The following PTPRK variants were observed in gnomAD, a reference collection of about 807,000 sequenced individuals.
PTPRK encodes protein tyrosine phosphatase receptor type K, also known as receptor-type tyrosine-protein phosphatase kappa.
PTPRK carries 75 observed loss-of-function variants against 178.0 expected under a neutral mutation model. The observed-to-expected ratio is 0.42, with a 90% CI of 0.35 to 0.51. PTPRK has a LOEUF of 0.51. Among genes scored for constraint, PTPRK ranks in the 20% least tolerant of loss-of-function variants. The pLI, the probability that PTPRK is intolerant of heterozygous loss-of-function variation, is 0.02. For synonymous variants in PTPRK, 637 were observed against 620.6 expected (o/e 1.03, Z -0.39); for missense variants, 1,441 against 1,797.8 (o/e 0.80, Z 3.59).
intron 13 of PTPRK, among the ~76,000 whole-genome samples, chr6:128,022,394 C>G (rs951953342): frequency 1.3e-5 from 2 of 152,142 alleles, no homozygotes; most frequent in Non-Finnish European, 2.9e-5. Flanking sequence ...CGTTTCTTCT[C>G]TTAAAATCTA....
chr6:128,112,923 C>G (rs942056686), intron 7 of PTPRK, among the ~76,000 whole-genome samples: 1 of 152,194 alleles, frequency 6.6e-6, no homozygotes, highest in East Asian at 1.9e-4. Context: ...ATCTCTTTTT[C>G]CAAAGGATTC....
intron 2 of PTPRK, among the ~76,000 whole-genome samples, chr6:128,386,518 C>T (rs940232416): frequency 6.6e-6 from 1 of 152,140 alleles, no homozygotes; most frequent in Non-Finnish European, 1.5e-5. Flanking sequence ...ATAAGAACTT[C>T]AAGTGAAATA....
chr6:128,358,243 G>T (rs1341241566), intron 2 of PTPRK, among the ~76,000 whole-genome samples: 1 of 152,220 alleles, frequency 6.6e-6, no homozygotes, highest in Non-Finnish European at 1.5e-5. Context: ...CCTTGGCCCT[G>T]AAGGAGAGGG....
chr6:128,009,196 CCTG>C lies in PTPRK; in HGVS notation c.2264_2266del (p.Ala755del). ...GAACACCAAAATTCCAGCACTAATT[CCTG>C]CTATTTTCACCACTCTGTCTGTCTG... On this transcript the variant is annotated inframe_deletion, in exon 14 of 30. Coordinates refer to ENST00000368226, the MANE Select transcript of PTPRK (RefSeq NM_002844.4). 6.2e-7 allele frequency: 1 copy of C among 1,608,726 alleles called. No homozygotes were observed. The highest frequency in any genetic ancestry group is 8.5e-7 in the Non-Finnish European group (1 of 1,176,682).
At chr6:128,467,717 C>T (rs902505219) in intron 1 of PTPRK, among the ~76,000 whole-genome samples, 79 of 152,188 alleles carry the variant, frequency 5.2e-4, no homozygotes, top group African/African-American at 1.8e-3. Context: ...CTCTCATTGG[C>T]CATTAAATGT....
chr6:128,211,854 GTAATGTCCCAC>G (rs913535100), intron 6 of PTPRK, among the ~76,000 whole-genome samples: 1 of 151,986 alleles, frequency 6.6e-6, no homozygotes, highest in African/African-American at 2.4e-5. Context: ...AACTAATGAA[GTAATGTCCCAC>G]TACAACACTT....
intron 7 of PTPRK, among the ~76,000 whole-genome samples, chr6:128,131,740 C>T (rs979489422): frequency 6.6e-6 from 1 of 152,122 alleles, no homozygotes; most frequent in African/African-American, 2.4e-5. Context: ...CACCATCTCT[C>T]TGTTTATACG....
At chr6:128,211,674 A>C (rs1351753967) in intron 6 of PTPRK, among the ~76,000 whole-genome samples, 2 of 152,090 alleles carry the variant, frequency 1.3e-5, no homozygotes, top group Non-Finnish European at 2.9e-5. Context: ...CAGAATGTAT[A>C]TTAGCTAGCT....
At chr6:128,322,660 TTAATA>T (rs1828963852) in intron 2 of PTPRK, among the ~76,000 whole-genome samples, 1 of 134,502 alleles carries the variant, frequency 7.4e-6, no homozygotes. Context: ...CACAAGTCTT[TTAATA>T]TAATATATAT....
chr6:128,510,145 T>G (rs777848872), intron 1 of PTPRK, among the ~76,000 whole-genome samples: 5 of 152,148 alleles, frequency 3.3e-5, no homozygotes, highest in African/African-American at 4.8e-5. Context: ...TCAGTAAACC[T>G]TCCTCCTCAA....
intron 2 of PTPRK, among the ~76,000 whole-genome samples, chr6:128,375,474 C>G (rs183775633): frequency 6.6e-6 from 1 of 151,906 alleles, no homozygotes; most frequent in Non-Finnish European, 1.5e-5. Flanking sequence ...AAAGACCTGC[C>G]CTATGATTCA....
chr6:128,176,168 T>C (rs762963094), intron 7 of PTPRK, among the ~76,000 whole-genome samples: 1 of 151,906 alleles, frequency 6.6e-6, no homozygotes, highest in Admixed American at 6.6e-5. Flanking sequence ...TATATGCATA[T>C]GTGTGTGTAT....
intron 2 of PTPRK, among the ~76,000 whole-genome samples, chr6:128,358,821 C>A (rs539227564): frequency 6.6e-6 from 1 of 152,274 alleles, no homozygotes; most frequent in East Asian, 1.9e-4. Flanking sequence ...AGGCTTGCTT[C>A]AATTTTTAAG....
At chr6:128,500,345 T>C (rs1292329750) in intron 1 of PTPRK, among the ~76,000 whole-genome samples, 1 of 150,762 alleles carries the variant, frequency 6.6e-6, no homozygotes, top group Non-Finnish European at 1.5e-5. Context: ...AATACAATCA[T>C]GTGATTAACT....
intron 2 of PTPRK, among the ~76,000 whole-genome samples, chr6:128,337,686 T>C (rs1343403254): frequency 6.6e-6 from 1 of 152,184 alleles, no homozygotes; most frequent in Non-Finnish European, 1.5e-5. Flanking sequence ...TCTGCATGGA[T>C]GCAGCATCAC....
intron 13 of PTPRK, among the ~76,000 whole-genome samples, chr6:128,017,844 A>G (rs1238705158): frequency 8.2e-6 from 1 of 122,360 alleles, no homozygotes; most frequent in Non-Finnish European, 1.7e-5. Flanking sequence ...TTGGCAGAAT[A>G]GTGAGTCCTG....
intron 13 of PTPRK, among the ~76,000 whole-genome samples, chr6:128,031,150 A>G (rs1324704580): frequency 6.6e-6 from 1 of 152,216 alleles, no homozygotes; most frequent in Non-Finnish European, 1.5e-5. Context: ...AAACAGAAAT[A>G]AGATACCACA....
At chr6:128,507,133 T>C (rs189079349) in intron 1 of PTPRK, among the ~76,000 whole-genome samples, 26 of 152,268 alleles carry the variant, frequency 1.7e-4, no homozygotes, top group African/African-American at 4.3e-4. Flanking sequence ...CAAGTTCCAA[T>C]GTCCGCACTC....
intron 7 of PTPRK, among the ~76,000 whole-genome samples, chr6:128,122,748 T>G (rs1453603692): frequency 6.6e-6 from 1 of 152,146 alleles, no homozygotes; most frequent in Non-Finnish European, 1.5e-5. Context: ...AGAGAATATA[T>G]GTAGAGCATG....
Sources: allele counts gnomAD v4.1 joint callset (sites outside exome capture counted in the v4.1 genomes callset), GRCh38; gene constraint gnomAD v4.1.1; transcripts MANE v1.5; gene names NCBI Gene and HGNC (gene_info 2026-07-23, HGNC 2026-07-21).